FILIP1: variants seen among roughly 807,000 people sequenced by gnomAD.
FILIP1 encodes filamin A interacting protein 1, also known as filamin-A-interacting protein 1.
In FILIP1, 61 loss-of-function variants were observed where a neutral mutation model predicts 102.1. That is an observed-to-expected ratio of 0.60 (90% confidence interval 0.49 to 0.74). The LOEUF is 0.74. FILIP1 is among the 30% of genes least tolerant of loss of function. The probability of loss-of-function intolerance (pLI) is 0.00; values close to 1 mark genes in which losing one functional copy is unlikely to be tolerated. For missense variants in FILIP1, 1,314 were observed against 1,441.2 expected, an observed-to-expected ratio of 0.91 and a Z score of 1.43; for synonymous variants, 491 against 526.9, an observed-to-expected ratio of 0.93 and a Z score of 0.93.
chr6:75,443,439 T>C (rs896975033), intron 1 of FILIP1, among the ~76,000 whole-genome samples: 1 of 152,228 alleles, frequency 6.6e-6, no homozygotes, highest in Non-Finnish European at 1.5e-5. Flanking sequence ...TTTGGTAATC[T>C]AACATGATTT....
chr6:75,471,817 A>G (rs1779340586), intron 1 of FILIP1, among the ~76,000 whole-genome samples: 1 of 152,186 alleles, frequency 6.6e-6, no homozygotes, highest in African/African-American at 2.4e-5. Context: ...TAATGTATAT[A>G]TCATTTATGC....
intron 2 of FILIP1, among the ~76,000 whole-genome samples, chr6:75,388,351 C>A (rs1776169909): frequency 6.6e-6 from 1 of 152,126 alleles, no homozygotes; most frequent in African/African-American, 2.4e-5. Context: ...TTAGGATTTT[C>A]TTGGCTATAC....
rs74972674 is a variant in FILIP1 at position 75,472,301 on chromosome 6, T to C, written c.-7+21113A>G. Among the ~76,000 whole-genome samples the C allele has an allele frequency of 3.8e-3, 582 of 152,220 alleles. 3 individuals are homozygous for C. Among genetic ancestry groups the C allele is most frequent in the Non-Finnish European group, 5.7e-3 (390 of 67,956 alleles). ...CATTTACCCACCCAGGGTGCTATGA[T>C]ATAAGTGCTCTTTAATTTCTAAAAT... On this transcript the variant is annotated intron_variant, in intron 1 of 5. Coordinates refer to ENST00000237172, the MANE Select transcript of FILIP1 (RefSeq NM_015687.5).
chr6:75,414,944 C>A lies in FILIP1; in HGVS notation c.29G>T (p.Ser10Ile). The A allele has an allele frequency of 6.2e-7, 1 of 1,613,702 alleles. No individual in the cohort carries two copies. Among genetic ancestry groups the A allele is most frequent in the Non-Finnish European group, 8.5e-7 (1 of 1,179,732 alleles). Reference protein sequence around the residue: MRSRNQGGESASDGHISCPK... With the variant: MRSRNQGGEIASDGHISCPK... ...ACAGGAGATATGCCCATCAGATGCACTTTCACCACCTTGGTTTCGAGATCT... is the reference window on the plus strand; with the variant it reads ...ACAGGAGATATGCCCATCAGATGCAATTTCACCACCTTGGTTTCGAGATCT... The change falls in exon 2 of 6, where the codon AGT becomes ATT. Residue 10 changes from serine to isoleucine, a missense_variant. By Grantham distance (142) the Ser-to-Ile change is moderately radical. Around this residue, in one of 3 missense-constraint regions of FILIP1, gnomAD observed 494 missense variants for 511.2 expected, o/e 0.97. Coordinates refer to ENST00000237172, the MANE Select transcript of FILIP1 (RefSeq NM_015687.5).
intron 2 of FILIP1, among the ~76,000 whole-genome samples, chr6:75,377,416 T>G (rs772412997): frequency 6.6e-6 from 1 of 152,200 alleles, no homozygotes; most frequent in African/African-American, 2.4e-5. Flanking sequence ...ATTCAAAAAT[T>G]TTTTGAACAT....
At chr6:75,418,510 C>CAAT (rs1777346405) in intron 1 of FILIP1, among the ~76,000 whole-genome samples, 1 of 152,130 alleles carries the variant, frequency 6.6e-6, no homozygotes, top group Non-Finnish European at 1.5e-5. Flanking sequence ...TGGAGCTGAA[C>CAAT]AATAGTAAAC....
chr6:75,484,641 T>C (rs1779733817), intron 1 of FILIP1, among the ~76,000 whole-genome samples: 1 of 152,188 alleles, frequency 6.6e-6, no homozygotes, highest in African/African-American at 2.4e-5. Context: ...CCCAGGTGAC[T>C]TTGATGCACA....
intron 1 of FILIP1, among the ~76,000 whole-genome samples, chr6:75,456,608 G>A (rs1778836046): frequency 6.9e-6 from 1 of 144,146 alleles, no homozygotes; most frequent in South Asian, 2.2e-4. Context: ...TTGCCAGGCT[G>A]CAGTGTGGTG....
chr6:75,444,154 C>G (rs1778365606), intron 1 of FILIP1, among the ~76,000 whole-genome samples: 1 of 152,184 alleles, frequency 6.6e-6, no homozygotes, highest in East Asian at 1.9e-4. Context: ...ATTGATCCCA[C>G]CAAAAAATCA....
chr6:75,316,195 G>A (rs1773439878), intron 4 of FILIP1, among the ~76,000 whole-genome samples: 1 of 152,004 alleles, frequency 6.6e-6, no homozygotes, highest in African/African-American at 2.4e-5. Flanking sequence ...TCTTGGGTTG[G>A]TCAGTTAACT....
At chr6:75,470,360 A>G (rs1320796360) in intron 1 of FILIP1, among the ~76,000 whole-genome samples, 1 of 152,184 alleles carries the variant, frequency 6.6e-6, no homozygotes. Context: ...CAAAAAACAG[A>G]CTCACAAACA....
intron 2 of FILIP1, among the ~76,000 whole-genome samples, chr6:75,390,790 T>A (rs1776258543): frequency 6.6e-6 from 1 of 152,174 alleles, no homozygotes. Flanking sequence ...TCAGTACCCC[T>A]GGGTCATTCA....
chr6:75,405,561 T>G (rs1023167324), intron 2 of FILIP1, among the ~76,000 whole-genome samples: 1 of 152,250 alleles, frequency 6.6e-6, no homozygotes, highest in African/African-American at 2.4e-5. Flanking sequence ...ATATAAAATT[T>G]TCTTTTTAAT....
At chr6:75,359,588 A>G (rs1350884547) in intron 3 of FILIP1, among the ~76,000 whole-genome samples, 1 of 152,246 alleles carries the variant, frequency 6.6e-6, no homozygotes, top group African/African-American at 2.4e-5. Context: ...AGAATATGGA[A>G]GGCAATATTA....
downstream of FILIP1, among the ~76,000 whole-genome samples, chr6:75,307,542 A>C (rs1343412819): frequency 6.6e-6 from 1 of 151,990 alleles, no homozygotes; most frequent in Non-Finnish European, 1.5e-5. Flanking sequence ...CTAGCCTTGA[A>C]CTCGTTTGTG....
chr6:75,471,678 T>C (rs754470146), intron 1 of FILIP1, among the ~76,000 whole-genome samples: 21 of 152,222 alleles, frequency 1.4e-4, no homozygotes, highest in Admixed American at 7.9e-4. Context: ...AACCTAAATA[T>C]TCACAAAATC....
intron 1 of FILIP1, among the ~76,000 whole-genome samples, chr6:75,488,927 G>A (rs552313125): frequency 6.6e-5 from 10 of 152,118 alleles, no homozygotes; most frequent in East Asian, 5.8e-4. Flanking sequence ...GCAATGAATC[G>A]CAAGAATTCA....
chr6:75,457,240 T>C (rs985457016), intron 1 of FILIP1, among the ~76,000 whole-genome samples: 6 of 152,186 alleles, frequency 3.9e-5, no homozygotes, highest in Non-Finnish European at 5.9e-5. Context: ...CTGGCTCAAA[T>C]TGAAAAAGCA....
Position 75,308,904 on chromosome 6 carries a change from G to A in FILIP1, c.3436-7C>T. On this transcript the variant is annotated splice_polypyrimidine_tract_variant and splice_region_variant and intron_variant, in intron 5 of 5. Transcript: ENST00000237172. ...ATGACCCGTCTTGTCCTGACTGTAA[G>A]AGAGAAAATACGTAGATACAAGGGA... The A allele has an allele frequency of 1.2e-6, 2 of 1,613,746 alleles. No individual in the cohort carries two copies. Among genetic ancestry groups the A allele is most frequent in the Admixed American group, 1.7e-5 (1 of 60,004 alleles).
Sources: gnomAD v4.1 joint callset for allele counts (sites outside exome capture counted in the v4.1 genomes callset) on GRCh38, gnomAD v4.1.1 for gene constraint, gnomAD v4.1.1 regional missense constraint, MANE v1.5 for transcripts, NCBI Gene and HGNC (gene_info 2026-07-23, HGNC 2026-07-21) for gene names.